RTEL1: variants seen among roughly 807,000 people sequenced by gnomAD.
The protein encoded by RTEL1 is regulator of telomere elongation helicase 1, also known as regulator of telomere length.
In RTEL1, 86 loss-of-function variants were observed where a neutral mutation model predicts 162.2. The ratio of observed to expected loss-of-function variants is 0.53; its 90% CI spans 0.45 to 0.63. The LOEUF (loss-of-function observed/expected upper bound fraction) is 0.63. RTEL1 is among the 30% of genes least tolerant of loss of function. The pLI is 0.00. For synonymous variants in RTEL1, 958 were observed against 717.9 expected (o/e 1.33, Z -5.35); for missense variants, 1,941 against 1,750.2 (o/e 1.11, Z -1.95).
rs1367864845 is a variant in RTEL1 at position 63,693,395 on chromosome 20, C to G, written c.2992+112C>G. ...TCGGGCCCTGCTTGGCCCCGCCTCT[C>G]TGTTCCCCTATGGGAGTGATGGGGG... On this transcript the variant is annotated intron_variant, in intron 30 of 34. Transcript: ENST00000360203. 91 of 1,356,756 alleles carry G rather than the reference C, an allele frequency of 6.7e-5. 1 individual carries two copies. The East Asian group carries it at 2.1e-3, about 31-fold the overall frequency. The allele number at this position is 1,356,756 out of a possible 1,614,324, so 84.0% of individuals were successfully genotyped here.
rs2090395619 is a variant in RTEL1, at chr20:63,678,199, C to T, written c.958+16C>T. On this transcript the variant is annotated intron_variant, in intron 11 of 34. Transcript: ENST00000360203. ...AAGCTGAAGAGTAAGTGTTGCCCTC[C>T]CCGCCTCCTTGCAGCTGGGTGGGGC... The T allele has an allele frequency of 1.9e-6, 3 of 1,613,840 alleles. No homozygotes were observed. The highest frequency in any genetic ancestry group is 2.5e-6 in the Non-Finnish European group (3 of 1,179,882).
Position 63,690,667 on chromosome 20 carries a change from TCCC to T in RTEL1, c.2414-134_2414-132del, listed in dbSNP as rs1046150322. 4.3e-4 allele frequency: 462 copies of T among 1,076,394 alleles called. 1 individual carries two copies. Among genetic ancestry groups the T allele is most frequent in the Non-Finnish European group, 5.8e-4 (444 of 767,764 alleles). 66.7% of individuals were successfully genotyped at this position (1,076,394 alleles called of 1,614,324 possible). A position where few individuals can be genotyped will look rare whatever the true frequency, so the allele number is the denominator to read the frequency against. ...CAAGGATGCCCCCCGAGGCTGAGAC[TCCC>T]CCCAATAGCAGGGAGGACACCCACA... is the stretch of plus-strand genomic sequence containing the variant. On this transcript the variant is annotated intron_variant, in intron 26 of 34. Transcript: ENST00000360203.
At chr20:63,675,522 A>ACG (rs2090331800) in intron 10 of RTEL1, among the ~76,000 whole-genome samples, 4 of 151,548 alleles carry the variant, frequency 2.6e-5, no homozygotes, top group Non-Finnish European at 5.9e-5. Flanking sequence ...ATATATATAC[A>ACG]TATATTTAAG....
Position 63,662,783 on chromosome 20 carries a change from T to C in RTEL1, c.478-46T>C, listed in dbSNP as rs1404521404. 4 of 1,611,374 alleles carry C rather than the reference T, an allele frequency of 2.5e-6. No homozygotes were observed. In the Admixed American group the frequency reaches 6.7e-5, roughly 27 times the overall value. On this transcript the variant is annotated intron_variant, in intron 5 of 34. Coordinates refer to ENST00000360203, the MANE Select transcript of RTEL1 (RefSeq NM_001283009.2). Reference sequence around the variant, plus strand: ...TGGGGGTGGGGACTGGCTTCGGTCCTTTCTTGGCCGTGCTTCAGCTGCGCA... The same window carrying C: ...TGGGGGTGGGGACTGGCTTCGGTCCCTTCTTGGCCGTGCTTCAGCTGCGCA...
intron 7 of RTEL1, among the ~76,000 whole-genome samples, 163 bp downstream of exon 7, chr20:63,666,242 T>C (rs1346848166): frequency 6.6e-6 from 1 of 152,274 alleles, no homozygotes; most frequent in Non-Finnish European, 1.5e-5. Context: ...CTGAGGAAGA[T>C]AGAGTAAAAA....
At chr20:63,666,553 T>G (rs79047034) in intron 7 of RTEL1, among the ~76,000 whole-genome samples, 1 of 152,216 alleles carries the variant, frequency 6.6e-6, no homozygotes, top group African/African-American at 2.4e-5. Flanking sequence ...CCCTTTTTTT[T>G]GAAACAGGGT....
chr20:63,688,863 T>G, intron 21 of RTEL1, 192 bp from the exon 22 acceptor site: 1 of 675,214 alleles, frequency 1.5e-6, no homozygotes, highest in Non-Finnish European at 2.5e-6. Flanking sequence ...GGGTTCCCCG[T>G]GTTTTCTGGG....
At position 63,662,566 on chromosome 20, in the gene RTEL1, G is replaced by A; in HGVS notation, c.416G>A (p.Gly139Asp). The A allele has an allele frequency of 1.9e-6, 3 of 1,614,052 alleles. No homozygotes were observed. Among genetic ancestry groups the A allele is most frequent in the Non-Finnish European group, 2.5e-6 (3 of 1,180,018 alleles). Residue 139 changes from glycine to aspartate, a missense_variant, in exon 5 of 35, where the codon GGC (glycine) becomes GAC (aspartate). Physicochemically the swap from Gly to Asp is moderately conservative, Grantham distance 94. Coordinates refer to ENST00000360203, the MANE Select transcript of RTEL1 (RefSeq NM_001283009.2). ...ACCAGGCCTAAGGTGTGTGTGCTGGGCTCCCGGGAGCAGCTGTGCATCCAT... is the reference window on the plus strand; with the variant it reads ...ACCAGGCCTAAGGTGTGTGTGCTGGACTCCCGGGAGCAGCTGTGCATCCAT... The part of the protein sequence containing the change: ...TSYRPKVCVL[G>D]SREQLCIHPE...
intron 7 of RTEL1, 84 bp from the exon 8 acceptor site, chr20:63,667,385 C>T: frequency 9.1e-7 from 1 of 1,097,562 alleles, no homozygotes; most frequent in Non-Finnish European, 1.4e-6. Flanking sequence ...ATGAGGGCTC[C>T]TTCCGGGTCA....
intron 30 of RTEL1, among the ~76,000 whole-genome samples, chr20:63,693,864 G>A (rs566419826): frequency 2.0e-5 from 3 of 148,078 alleles, no homozygotes; most frequent in Non-Finnish European, 4.5e-5. Flanking sequence ...CTGTCCAACT[G>A]CCACACGTCC....
At chr20:63,693,447 A>ACCACCTCCACCT (rs2090826317) in intron 30 of RTEL1, among the ~76,000 whole-genome samples, 164 bp downstream of exon 30, 1 of 110,850 alleles carries the variant, frequency 9.0e-6, no homozygotes, top group Non-Finnish European at 1.9e-5. Flanking sequence ...CAGCACCAGC[A>ACCACCTCCACCT]GCACCACCTC....
intron 24 of RTEL1, 70 bp downstream of exon 24, chr20:63,689,935 C>T (rs1191855968): frequency 6.4e-7 from 1 of 1,558,354 alleles, no homozygotes; most frequent in Admixed American, 1.7e-5. Flanking sequence ...CCTGGACTCT[C>T]CTTCCCCACA....
chr20:63,689,018 G>C (rs370353126), intron 21 of RTEL1, 37 bp from the exon 22 acceptor site: 11 of 1,572,172 alleles, frequency 7.0e-6, no homozygotes, highest in African/African-American at 6.8e-5. Context: ...GGGCTGGGGG[G>C]GGGCTCCAGG....
rs2145477956 is a variant in RTEL1 at position 63,695,172 on chromosome 20, G to A, written c.3450G>A (p.Glu1150=). The change falls in exon 33 of 35, where the codon GAG becomes GAA. Residue 1150 remains glutamate (E), a synonymous_variant. Transcript: ENST00000360203. ...GCATGGAGCCACCGGGACCCCAGGA[G>A]GAGAGGCTTGCCGTGCCTCCTGTGC... ...YPGMEPPGPQ[E]ERLAVPPVLT... The A allele has an allele frequency of 6.2e-7, 1 of 1,612,352 alleles. No individual in the cohort carries two copies. Among genetic ancestry groups the A allele is most frequent in the Non-Finnish European group, 8.5e-7 (1 of 1,179,846 alleles).
chr20:63,673,599 C>T (rs906789366), intron 9 of RTEL1, among the ~76,000 whole-genome samples: 9 of 151,914 alleles, frequency 5.9e-5, no homozygotes, highest in East Asian at 2.0e-4. Flanking sequence ...CCACCACGCC[C>T]GGCTAATTTT....
intron 28 of RTEL1, 44 bp downstream of exon 28, chr20:63,691,881 G>T (rs376300198): frequency 3.9e-4 from 587 of 1,522,698 alleles, no homozygotes; most frequent in Non-Finnish European, 4.9e-4. Flanking sequence ...CCATAGACAC[G>T]CATGGGAACG....
In RTEL1 at chr20:63,685,433, G is replaced by A. The variant is rs980825866; in HGVS notation, c.1192-90G>A. 6.0e-6 allele frequency: 8 copies of A among 1,331,724 alleles called. No homozygotes were observed. The Admixed American group carries it at 1.2e-4, about 21-fold the overall frequency. The allele number at this position is 1,331,724 out of a possible 1,614,324, so 82.5% of individuals were successfully genotyped here. ...GCCGGTGAACCGATGACCCCTGGGT[G>A]TCCTGTGACCTTCTGTGTATGCGGC... On this transcript the variant is annotated intron_variant, in intron 14 of 34. Transcript: ENST00000360203.
Position 63,691,689 on chromosome 20 carries a change from C to A in RTEL1, c.2557-53C>A, listed in dbSNP as rs1046714071. ...CCTGTGCGTCCAGGTGCTTTGGGAC[C>A]CCAGAGTGTGTGGTTGGGGTCTGTG... On this transcript the variant is annotated intron_variant, in intron 27 of 34. Coordinates refer to ENST00000360203, the MANE Select transcript of RTEL1 (RefSeq NM_001283009.2). The A allele has an allele frequency of 3.3e-6, 5 of 1,514,544 alleles. No individual in the cohort carries two copies. The East Asian group carries it at 9.1e-5, about 27-fold the overall frequency. The allele number at this position is 1,514,544 out of a possible 1,614,324, so 93.8% of individuals were successfully genotyped here.
chr20:63,660,853 G>C (rs2090005539), intron 2 of RTEL1: 1 of 172,608 alleles, frequency 5.8e-6, no homozygotes, highest in East Asian at 1.8e-4. Context: ...CCTTCTCCTG[G>C]GTTCCTTGAG....
Sources: gnomAD v4.1 joint callset for allele counts (sites outside exome capture counted in the v4.1 genomes callset) on GRCh38, gnomAD v4.1.1 for gene constraint, MANE v1.5 for transcripts, NCBI Gene and HGNC (gene_info 2026-07-23, HGNC 2026-07-21) for gene names.